PTPRD: variants seen among roughly 807,000 people sequenced by gnomAD.
PTPRD encodes receptor-type tyrosine-protein phosphatase delta.
A neutral mutation model predicts 214.5 loss-of-function variants in PTPRD; 34 were observed. That is an observed-to-expected ratio of 0.16 (90% CI 0.12 to 0.21). PTPRD has a LOEUF of 0.21. Among genes scored for constraint, PTPRD ranks in the 10% least tolerant of loss-of-function variants. The pLI is 1.00. For missense variants in PTPRD, 2,545 were observed against 2,398.7 expected (o/e 1.06, Z -1.27); for synonymous variants, 1,128 against 845.7 (o/e 1.33, Z -5.79).
At chr9:8,951,161 G>GTGTGTGTGTGTGTGTA (rs1356654833) in intron 11 of PTPRD, among the ~76,000 whole-genome samples, 2 of 150,344 alleles carry the variant, frequency 1.3e-5, no homozygotes, top group East Asian at 1.9e-4. Flanking sequence ...GTGTGTGTAA[G>GTGTGTGTGTGTGTGTA]AGAGAGAGAG....
intron 2 of PTPRD, among the ~76,000 whole-genome samples, chr9:10,403,213 T>A (rs2098300433): frequency 8.0e-6 from 1 of 124,304 alleles, no homozygotes; most frequent in South Asian, 2.6e-4. Flanking sequence ...TTCTGTTATT[T>A]GTGTGTGTGT....
chr9:10,523,835 T>C, intron 2 of PTPRD, among the ~76,000 whole-genome samples: 1 of 151,724 alleles, frequency 6.6e-6, no homozygotes, highest in Non-Finnish European at 1.5e-5. Context: ...GGCCTAACTA[T>C]ATATTCTAGA....
chr9:9,570,206 CATTATT>C (rs911753626), intron 8 of PTPRD, among the ~76,000 whole-genome samples: 1 of 151,444 alleles, frequency 6.6e-6, no homozygotes, highest in Non-Finnish European at 1.5e-5. Flanking sequence ...GTATTATCAT[CATTATT>C]ATTATTATTT....
intron 3 of PTPRD, among the ~76,000 whole-genome samples, chr9:10,202,072 T>C (rs566640492): frequency 2.0e-5 from 3 of 152,222 alleles, no homozygotes; most frequent in East Asian, 1.9e-4. Context: ...TGTTTTCAAA[T>C]AGAGGCTGTT....
intron 4 of PTPRD, among the ~76,000 whole-genome samples, chr9:9,949,533 T>A (rs1345702247): frequency 1.3e-5 from 2 of 152,140 alleles, no homozygotes; most frequent in Non-Finnish European, 2.9e-5. Flanking sequence ...GTTAATGATT[T>A]ATTTTCCCAG....
chr9:10,266,015 AC>A (rs1476722120), intron 3 of PTPRD, among the ~76,000 whole-genome samples: 1 of 152,192 alleles, frequency 6.6e-6, no homozygotes, highest in Admixed American at 6.5e-5. Flanking sequence ...ATATTACTAA[AC>A]TTATATTAAC....
At chr9:9,441,700 G>GA (rs202034760) in intron 8 of PTPRD, among the ~76,000 whole-genome samples, 2,381 of 150,282 alleles carry the variant, frequency 0.016, 58 homozygotes, top group African/African-American at 0.054. Context: ...AGTTAAAACC[G>GA]AAAAAAAAAT....
Position 8,359,107 on chromosome 9 carries a change from C to CAAAAAA in PTPRD, c.4661+16823_4661+16828dup, listed in dbSNP as rs749802631. Among the ~76,000 whole-genome samples the CAAAAAA allele has an allele frequency of 9.1e-4, 9 of 9,848 alleles. 1 individual carries two copies. The highest frequency in any genetic ancestry group is 4.6e-3 in the African/African-American group (9 of 1,954). The allele number at this position is 9,848 out of a possible 152,430, so 6.5% of individuals were successfully genotyped here. A position where few individuals can be genotyped will look rare whatever the true frequency, so the allele number is the denominator to read the frequency against. ...TGGGCCACAGAGCGAGACTCCGTCT[C>CAAAAAA]AAAAAAAAAAAAAAACAAAAAAAAA... On this transcript the variant is annotated intron_variant, in intron 39 of 45. Coordinates refer to ENST00000381196, the MANE Select transcript of PTPRD (RefSeq NM_002839.4).
chr9:9,542,702 T>C (rs2077882927), intron 8 of PTPRD, among the ~76,000 whole-genome samples: 1 of 151,698 alleles, frequency 6.6e-6, no homozygotes, highest in Non-Finnish European at 1.5e-5. Flanking sequence ...ACCAATCAAG[T>C]GAAAACGGTA....
chr9:9,076,363 T>C (rs2099751197), intron 10 of PTPRD, among the ~76,000 whole-genome samples: 1 of 152,142 alleles, frequency 6.6e-6, no homozygotes, highest in Admixed American at 6.5e-5. Context: ...CTGATGGCAG[T>C]TTCTTTTGCT....
At chr9:8,729,273 A>G (rs2098628692) in intron 12 of PTPRD, among the ~76,000 whole-genome samples, 1 of 152,180 alleles carries the variant, frequency 6.6e-6, no homozygotes, top group South Asian at 2.1e-4. Flanking sequence ...ACTTTAGACT[A>G]AAGTAGATAT....
At chr9:10,431,589 G>GA (rs1443998335) in intron 2 of PTPRD, among the ~76,000 whole-genome samples, 1 of 151,292 alleles carries the variant, frequency 6.6e-6, no homozygotes, top group Non-Finnish European at 1.5e-5. Context: ...AAATTTACAA[G>GA]AAAAAAACAA....
At chr9:9,943,233 AGTTG>A (rs2091940454) in intron 4 of PTPRD, among the ~76,000 whole-genome samples, 1 of 152,168 alleles carries the variant, frequency 6.6e-6, no homozygotes, top group Non-Finnish European at 1.5e-5. Flanking sequence ...TCTCCTTCCT[AGTTG>A]TTACAAAAGA....
intron 5 of PTPRD, among the ~76,000 whole-genome samples, chr9:9,876,829 G>A (rs940533712): frequency 6.6e-6 from 1 of 152,060 alleles, no homozygotes; most frequent in African/African-American, 2.4e-5. Flanking sequence ...ATGCATTAAG[G>A]ATGACTTTAA....
chr9:8,514,151 T>C (rs1268228711), intron 21 of PTPRD, among the ~76,000 whole-genome samples: 1 of 152,106 alleles, frequency 6.6e-6, no homozygotes, highest in Non-Finnish European at 1.5e-5. Flanking sequence ...AATGTCATAT[T>C]CTGTCCACTG....
chr9:10,482,230 G>T (rs956142676), intron 2 of PTPRD, among the ~76,000 whole-genome samples: 2 of 151,848 alleles, frequency 1.3e-5, no homozygotes, highest in Non-Finnish European at 2.9e-5. Context: ...AATTAGCCGG[G>T]CGTGGTGGCG....
At chr9:8,565,504 T>C (rs1351982268) in intron 14 of PTPRD, among the ~76,000 whole-genome samples, 1 of 152,198 alleles carries the variant, frequency 6.6e-6, no homozygotes, top group East Asian at 1.9e-4. Context: ...AGGAAACATT[T>C]GCCTCCCATG....
chr9:8,785,179 T>C (rs1024550590), intron 11 of PTPRD, among the ~76,000 whole-genome samples: 2 of 151,922 alleles, frequency 1.3e-5, no homozygotes, highest in South Asian at 2.1e-4. Flanking sequence ...GAAAAGAAAT[T>C]TGGTAAGAGG....
At chr9:8,833,367 G>C (rs1422360276) in intron 11 of PTPRD, among the ~76,000 whole-genome samples, 1 of 151,996 alleles carries the variant, frequency 6.6e-6, no homozygotes, top group Admixed American at 6.6e-5. Context: ...AACAGGCAGA[G>C]AAATGAGAAA....
Sources: allele counts gnomAD v4.1 joint callset (sites outside exome capture counted in the v4.1 genomes callset), GRCh38; gene constraint gnomAD v4.1.1; transcripts MANE v1.5; gene names NCBI Gene and HGNC (gene_info 2026-07-23, HGNC 2026-07-21).